Variants in PCDHA7 observed in about 807,000 individuals in gnomAD.
PCDHA7 encodes the protein protocadherin alpha-7.
A neutral mutation model predicts 57.2 loss-of-function variants in PCDHA7; 37 were observed. That is an observed-to-expected ratio of 0.65 (90% CI 0.50 to 0.85). The LOEUF (loss-of-function observed/expected upper bound fraction) is 0.85, where lower values mean the gene tolerates loss of function less well. Among genes scored for constraint, PCDHA7 ranks in the 40% least tolerant of loss-of-function variants. The probability of loss-of-function intolerance (pLI) is 0.00; values close to 1 mark genes in which losing one functional copy is unlikely to be tolerated. For synonymous variants in PCDHA7, 553 were observed against 558.8 expected, an observed-to-expected ratio of 0.99 and a Z score of 0.15; for missense variants, 1,188 against 1,241.8, an observed-to-expected ratio of 0.96 and a Z score of 0.65.
rs149296153 is a variant in PCDHA7, at chr5:140,837,442, G to A, written c.2355+704G>A. Among the ~76,000 whole-genome samples the A allele has an allele frequency of 1.9e-4, 29 of 151,938 alleles. No individual in the cohort carries two copies. The East Asian group carries it at 5.2e-3, about 27-fold the overall frequency. Reference sequence around the variant, plus strand: ...AATTTCAAAGAGTGAAATCTAGTACGTAGTAAAAAATCTCCTTGCCTCCTC... The same window carrying A: ...AATTTCAAAGAGTGAAATCTAGTACATAGTAAAAAATCTCCTTGCCTCCTC... On this transcript the variant is annotated intron_variant, in intron 1 of 3. Coordinates refer to ENST00000525929, the MANE Select transcript of PCDHA7 (RefSeq NM_018910.3).
chr5:140,983,030 T>C (rs1333101014), intron 3 of PCDHA7, among the ~76,000 whole-genome samples: 1 of 151,922 alleles, frequency 6.6e-6, no homozygotes, highest in African/African-American at 2.4e-5. Context: ...GGAAGATGGT[T>C]TCTCATGGAA....
At chr5:140,926,373 G>T (rs1040164585) in intron 1 of PCDHA7, 1 of 152,370 alleles carries the variant, frequency 6.6e-6, no homozygotes, top group African/African-American at 2.4e-5. Flanking sequence ...GGCAGGAAGA[G>T]CCCAGCTGGG....
At position 140,836,197 on chromosome 5, in the gene PCDHA7, C is replaced by T; in HGVS notation, c.1814C>T (p.Ala605Val). The T allele has an allele frequency of 6.2e-7, 1 of 1,613,818 alleles. No individual in the cohort carries two copies. Among genetic ancestry groups the T allele is most frequent in the Non-Finnish European group, 8.5e-7 (1 of 1,179,814 alleles). The stretch of plus-strand genomic sequence containing the variant: ...GTTGACGCTGACTCAGGCTACAACG[C>T]GTGGCTTTCGTATGAGTTGCAACCG... ...RAVDADSGYN[A>V]WLSYELQPVA... The change falls in exon 1 of 4, where the codon GCG becomes GTG. Residue 605 changes from alanine to valine, a missense_variant. By Grantham distance (64) the Ala-to-Val change is moderately conservative. Around this residue, in one of 3 missense-constraint regions of PCDHA7, gnomAD observed 892 missense variants for 788.5 expected, o/e 1.13. Coordinates refer to ENST00000525929, the MANE Select transcript of PCDHA7 (RefSeq NM_018910.3).
chr5:140,872,667 A>G (rs2053828539), intron 1 of PCDHA7, among the ~76,000 whole-genome samples: 1 of 152,186 alleles, frequency 6.6e-6, no homozygotes, highest in African/African-American at 2.4e-5. Flanking sequence ...CAACTATTGG[A>G]TACTCAAACA....
intron 1 of PCDHA7, chr5:140,848,620 G>T (rs2150415241): frequency 6.3e-7 from 1 of 1,593,518 alleles, no homozygotes; most frequent in Non-Finnish European, 8.6e-7. Context: ...GCCGAACACG[G>T]CACCTTCGTG....
intron 1 of PCDHA7, chr5:140,842,198 T>A: frequency 6.2e-7 from 1 of 1,613,764 alleles, no homozygotes. Flanking sequence ...TATTGACCAC[T>A]TTAGCATAGA....
intron 2 of PCDHA7, among the ~76,000 whole-genome samples, chr5:140,981,654 A>ATTTCTTCCTTCC (rs563193906): frequency 2.0e-5 from 3 of 152,026 alleles, no homozygotes; most frequent in Non-Finnish European, 2.9e-5. Context: ...GATCCCACTT[A>ATTTCTTCCTTCC]TTTCTTCCTT....
At chr5:140,891,970 C>T (rs1554185021) in intron 1 of PCDHA7, among the ~76,000 whole-genome samples, 1 of 152,168 alleles carries the variant, frequency 6.6e-6, no homozygotes, top group African/African-American at 2.4e-5. Flanking sequence ...AGTAAATTTC[C>T]GTTCTCATAA....
At chr5:140,943,717 T>A (rs1269511670) in intron 1 of PCDHA7, among the ~76,000 whole-genome samples, 1 of 152,108 alleles carries the variant, frequency 6.6e-6, no homozygotes, top group Non-Finnish European at 1.5e-5. Context: ...CATTTAAAGG[T>A]CTGAGAGAAT....
At chr5:140,920,632 T>G (rs1054888668) in intron 1 of PCDHA7, among the ~76,000 whole-genome samples, 1 of 152,018 alleles carries the variant, frequency 6.6e-6, no homozygotes, top group South Asian at 2.1e-4. Context: ...GATCACAAGG[T>G]CAAGAGATTG....
At chr5:140,883,626 C>A (rs782798960) in intron 1 of PCDHA7, 2 of 1,613,968 alleles carry the variant, frequency 1.2e-6, no homozygotes, top group Non-Finnish European at 1.7e-6. Flanking sequence ...GACAACGCGC[C>A]GGCGTTCGCG....
intron 1 of PCDHA7, among the ~76,000 whole-genome samples, chr5:140,963,325 C>T (rs1156299692): frequency 2.0e-5 from 3 of 152,156 alleles, no homozygotes; most frequent in Non-Finnish European, 4.4e-5. Flanking sequence ...ATTAGAATTA[C>T]ACAGATAAAT....
At chr5:140,856,839 A>T in intron 1 of PCDHA7, 1 of 1,592,670 alleles carries the variant, frequency 6.3e-7, no homozygotes, top group Non-Finnish European at 8.6e-7. Context: ...ATACGGCTCA[A>T]CGCTTCTGAT....
chr5:140,846,801 G>A (rs1780686436), intron 1 of PCDHA7, among the ~76,000 whole-genome samples: 1 of 149,422 alleles, frequency 6.7e-6, no homozygotes, highest in Admixed American at 6.7e-5. Context: ...CCAGCCCCTG[G>A]CTTTAAAATT....
chr5:140,877,155 C>G (rs782559744), intron 1 of PCDHA7: 21 of 1,613,680 alleles, frequency 1.3e-5, no homozygotes, highest in Non-Finnish European at 1.8e-5. Flanking sequence ...AGAACGACAA[C>G]GCGCCGGCAC....
At chr5:140,871,301 C>G in intron 1 of PCDHA7, 4 of 1,613,916 alleles carry the variant, frequency 2.5e-6, no homozygotes, top group Middle Eastern at 1.7e-4. Flanking sequence ...GCGTGCGCGC[C>G]GGGGAAGCCC....
chr5:140,839,017 T>A (rs2150294125), intron 1 of PCDHA7, among the ~76,000 whole-genome samples: 2 of 152,096 alleles, frequency 1.3e-5, no homozygotes, highest in Non-Finnish European at 2.9e-5. Flanking sequence ...TAAATTATTT[T>A]AGGATATGTT....
At chr5:140,863,261 A>G (rs782771328) in intron 1 of PCDHA7, 17 of 1,449,886 alleles carry the variant, frequency 1.2e-5, no homozygotes, top group Non-Finnish European at 1.4e-5. Context: ...GAGGTCCGGG[A>G]GGCAGCGCTG....
intron 1 of PCDHA7, chr5:140,864,391 A>G (rs1554158881): frequency 6.6e-6 from 1 of 152,234 alleles, no homozygotes; most frequent in African/African-American, 2.4e-5. Context: ...TCTCTCACAA[A>G]TGGTGATGAG....
Sources: allele counts gnomAD v4.1 joint callset (sites outside exome capture counted in the v4.1 genomes callset), GRCh38; gene constraint gnomAD v4.1.1; regional missense constraint gnomAD v4.1.1; transcripts MANE v1.5; gene names NCBI Gene and HGNC (gene_info 2026-07-23, HGNC 2026-07-21).